Variants in MBNL2 observed in about 807,000 individuals in gnomAD.
MBNL2 encodes the protein muscleblind-like protein 2.
A neutral mutation model predicts 41.9 loss-of-function variants in MBNL2; 17 were observed. The ratio of observed to expected loss-of-function variants is 0.41; its 90% CI spans 0.28 to 0.61. The LOEUF (loss-of-function observed/expected upper bound fraction) is 0.61, where lower values mean the gene tolerates loss of function less well. Among genes scored for constraint, MBNL2 ranks in the 20% least tolerant of loss-of-function variants. The probability of loss-of-function intolerance (pLI) is 0.35; values close to 1 mark genes in which losing one functional copy is unlikely to be tolerated. For synonymous variants in MBNL2, 195 were observed against 182.9 expected (o/e 1.07, Z -0.53); for missense variants, 336 against 505.6 (o/e 0.66, Z 3.22).
chr13:97,249,319 T>A (rs1400421634), intron 1 of MBNL2, among the ~76,000 whole-genome samples: 3 of 152,222 alleles, frequency 2.0e-5, no homozygotes, highest in Non-Finnish European at 2.9e-5. Flanking sequence ...TATTGTTCAG[T>A]TTTGAAGATG....
In MBNL2 at chr13:97,393,028, A is replaced by ACTAT. The variant is rs1219516058; in HGVS notation, c.*1584_*1587dup. ...AATTCATGTTGGTCAAAGTCGAATTACTATCTATTTATCTTATATCGTAGA... is the reference window on the plus strand; with the variant it reads ...AATTCATGTTGGTCAAAGTCGAATTACTATCTATCTATTTATCTTATATCGTAGA... On this transcript the variant is annotated 3_prime_UTR_variant, in exon 9 of 9. Coordinates refer to ENST00000679496, the MANE Select transcript of MBNL2 (RefSeq NM_001382683.1). The ACTAT allele has an allele frequency of 3.9e-5, 6 of 152,510 alleles. No homozygotes were observed. Among genetic ancestry groups the ACTAT allele is most frequent in the Non-Finnish European group, 7.4e-5 (5 of 67,926 alleles). The allele number at this position is 152,510 out of a possible 1,614,324, so 9.4% of individuals were successfully genotyped here.
intron 1 of MBNL2, among the ~76,000 whole-genome samples, chr13:97,246,403 C>T (rs1594087810): frequency 6.6e-6 from 1 of 152,132 alleles, no homozygotes; most frequent in Non-Finnish European, 1.5e-5. Context: ...AATGACTACT[C>T]CTTATGTTAG....
chr13:97,204,605 T>A, the MBNL2 span, among the ~76,000 whole-genome samples: 1 of 152,208 alleles, frequency 6.6e-6, no homozygotes, highest in Non-Finnish European at 1.5e-5. Flanking sequence ...AAAAAAACTA[T>A]ACTTTCTTAA....
intron 8 of MBNL2, among the ~76,000 whole-genome samples, chr13:97,390,300 C>T (rs2066294298): frequency 6.6e-6 from 1 of 151,200 alleles, no homozygotes. Context: ...AAAATATCCA[C>T]GTGGAGAAAT....
the MBNL2 span, among the ~76,000 whole-genome samples, chr13:97,210,286 TA>T: frequency 6.6e-6 from 1 of 152,190 alleles, no homozygotes; most frequent in Non-Finnish European, 1.5e-5. Context: ...AAGATTCAAA[TA>T]GATTAAAAAT....
the MBNL2 span, among the ~76,000 whole-genome samples, chr13:97,168,693 C>G: frequency 1.3e-5 from 2 of 152,086 alleles, no homozygotes; most frequent in African/African-American, 4.8e-5. Flanking sequence ...TGAAGAGATA[C>G]CAATATAATG....
chr13:97,169,904 T>C, the MBNL2 span, among the ~76,000 whole-genome samples: 4 of 152,232 alleles, frequency 2.6e-5, no homozygotes, highest in African/African-American at 9.6e-5. Context: ...ACTTGATTTC[T>C]TGACTTTAAT....
intron 2 of MBNL2, among the ~76,000 whole-genome samples, chr13:97,295,096 G>A (rs80031419): frequency 0.022 from 3,351 of 152,212 alleles, 78 homozygotes; most frequent in South Asian, 0.051. Flanking sequence ...AGAAAGATTC[G>A]GAGAAGACAT....
intron 2 of MBNL2, among the ~76,000 whole-genome samples, chr13:97,291,606 T>C (rs1479530744): frequency 1.3e-5 from 2 of 152,098 alleles, no homozygotes; most frequent in East Asian, 3.9e-4. Flanking sequence ...TCAAGAGTGA[T>C]TGCTTGGGTC....
intron 1 of MBNL2, among the ~76,000 whole-genome samples, chr13:97,252,097 G>A (rs1013739891): frequency 2.6e-5 from 4 of 151,554 alleles, no homozygotes; most frequent in Non-Finnish European, 5.9e-5. Flanking sequence ...TGATCCACCC[G>A]CCTCGGCCTC....
the MBNL2 span, among the ~76,000 whole-genome samples, chr13:97,201,167 A>G: frequency 6.6e-6 from 1 of 152,224 alleles, no homozygotes; most frequent in Admixed American, 6.5e-5. Context: ...TCTTCTTGGT[A>G]AAACGAGCTG....
chr13:97,210,971 G>T, the MBNL2 span, among the ~76,000 whole-genome samples: 3 of 152,052 alleles, frequency 2.0e-5, no homozygotes, highest in Admixed American at 6.6e-5. Flanking sequence ...GAGAAGAGGG[G>T]TGGTGAAAGG....
At chr13:97,239,279 G>A (rs1338129686) in intron 1 of MBNL2, among the ~76,000 whole-genome samples, 2 of 152,148 alleles carry the variant, frequency 1.3e-5, no homozygotes, top group South Asian at 2.1e-4. Context: ...TGCCAATATA[G>A]ATACCTCATA....
chr13:97,196,443 G>A, the MBNL2 span, among the ~76,000 whole-genome samples: 76 of 152,198 alleles, frequency 5.0e-4, no homozygotes, highest in Middle Eastern at 3.4e-3. Flanking sequence ...AGGAACAGAC[G>A]GCTATTTAGA....
chr13:97,366,266 T>C lies in MBNL2; in HGVS notation c.1048+1095T>C, dbSNP rs888542129. 1.3e-5 allele frequency among the ~76,000 whole-genome samples: 2 copies of C among 152,236 alleles called. No individual in the cohort carries two copies. The highest frequency in any genetic ancestry group is 6.5e-5 in the Admixed American group (1 of 15,288). On this transcript the variant is annotated intron_variant, in intron 8 of 8. Coordinates refer to ENST00000679496, the MANE Select transcript of MBNL2 (RefSeq NM_001382683.1). This position sits in a 1 kb window ranked among gnomAD's most constrained non-coding sequence, Gnocchi z 4.7. Reference sequence around the variant, plus strand: ...TATGTTTTAAAACTTCCTTTAATTGTACTTGTAATAAGCTATTTTCCCTTT... The same window carrying C: ...TATGTTTTAAAACTTCCTTTAATTGCACTTGTAATAAGCTATTTTCCCTTT...
the MBNL2 span, among the ~76,000 whole-genome samples, chr13:97,144,453 G>C: frequency 5.7e-5 from 6 of 104,844 alleles, no homozygotes; most frequent in African/African-American, 3.7e-4. Context: ...TTTTGAGACA[G>C]AGTTTCGTGC....
chr13:97,278,784 T>C (rs2052726796), intron 2 of MBNL2, among the ~76,000 whole-genome samples: 1 of 152,170 alleles, frequency 6.6e-6, no homozygotes, highest in Admixed American at 6.5e-5. Flanking sequence ...AATTGCAAAA[T>C]TTCAGGTTAT....
intron 8 of MBNL2, among the ~76,000 whole-genome samples, chr13:97,367,228 C>T (rs934877585): frequency 2.6e-5 from 4 of 152,162 alleles, no homozygotes; most frequent in East Asian, 3.8e-4. Context: ...TGTACTATTT[C>T]GTAGTGACAG....
rs180912217 is a variant in MBNL2 at position 97,297,940 on chromosome 13, A to G, written c.174+21531A>G. The stretch of plus-strand genomic sequence containing the variant: ...TAAATAGGTCAATAAACACATAAGC[A>G]AGCACATATAGAAAATAAACAAAAT... On this transcript the variant is annotated intron_variant, in intron 2 of 8. Transcript: ENST00000679496. 1.8e-4 allele frequency among the ~76,000 whole-genome samples: 23 copies of G among 130,248 alleles called. No individual in the cohort carries two copies. The East Asian group carries it at 5.4e-3, about 31-fold the overall frequency. 85.4% of individuals were successfully genotyped at this position (130,248 alleles called of 152,430 possible).
Sources: gnomAD v4.1 joint callset for allele counts (sites outside exome capture counted in the v4.1 genomes callset) on GRCh38, gnomAD v4.1.1 for gene constraint, Gnocchi (gnomAD v3.1) non-coding constraint, MANE v1.5 for transcripts, NCBI Gene and HGNC (gene_info 2026-07-23, HGNC 2026-07-21) for gene names.